Variants in SLC38A4 observed in about 807,000 individuals in gnomAD.
SLC38A4 encodes the protein sodium-coupled neutral amino acid transporter 4.
In SLC38A4, 20 loss-of-function variants were observed where a neutral mutation model predicts 63.1. The ratio of observed to expected loss-of-function variants is 0.32; its 90% confidence interval spans 0.22 to 0.46. The LOEUF (loss-of-function observed/expected upper bound fraction) is 0.46. SLC38A4 is among the 20% of genes least tolerant of loss of function. SLC38A4 has a pLI of 1.00. For missense variants in SLC38A4, 526 were observed against 663.6 expected (o/e 0.79, Z 2.28); for synonymous variants, 230 against 225.5 (o/e 1.02, Z -0.18).
Position 46,785,123 on chromosome 12 carries a change from T to C in SLC38A4, c.381A>G (p.Leu127=). 1 of 1,612,828 alleles carries C rather than the reference T, an allele frequency of 6.2e-7. No individual in the cohort carries two copies. Among genetic ancestry groups the C allele is most frequent in the South Asian group, 1.1e-5 (1 of 91,040 alleles). ...GCATACCTCCTTCCTTGGCTGTTTT[T>C]AATAAAAGGTGAACTGAATACAGTG... ...ILSLYSVHLL[L]KTAKEGGSLI... The change falls in exon 6 of 17, where the codon TTA becomes TTG. Residue 127 remains leucine (L), a synonymous_variant. Coordinates refer to ENST00000266579, the MANE Select transcript of SLC38A4 (RefSeq NM_018018.5).
At chr12:46,828,011 C>T (rs1401656124), upstream of SLC38A4, among the ~76,000 whole-genome samples, 1 of 152,130 alleles carries the variant, frequency 6.6e-6, no homozygotes, top group Non-Finnish European at 1.5e-5. Context: ...AGAGAATGTG[C>T]AAGGATCTCC....
At chr12:46,779,733 A>C in intron 9 of SLC38A4, 47 bp downstream of exon 9, 1 of 1,585,376 alleles carries the variant, frequency 6.3e-7, no homozygotes, top group Non-Finnish European at 8.6e-7. Flanking sequence ...AACCTATTTA[A>C]ATGTGAAATA....
At chr12:46,800,063 A>C (rs1320544527) in intron 2 of SLC38A4, among the ~76,000 whole-genome samples, 1 of 152,126 alleles carries the variant, frequency 6.6e-6, no homozygotes, top group Non-Finnish European at 1.5e-5. Context: ...GAAACATAAA[A>C]TTTTCATAGG....
At chr12:46,815,975 G>A (rs558356821) in intron 1 of SLC38A4, among the ~76,000 whole-genome samples, 2 of 151,824 alleles carry the variant, frequency 1.3e-5, no homozygotes, top group South Asian at 4.1e-4. Flanking sequence ...TATTTAAAGA[G>A]AAATGCTGAC....
chr12:46,764,914 A>G lies in SLC38A4; in HGVS notation c.*1787T>C, dbSNP rs1026438682. 28 of 152,632 alleles carry G rather than the reference A, an allele frequency of 1.8e-4. No homozygotes were observed. The highest frequency in any genetic ancestry group is 6.5e-4 in the African/African-American group (27 of 41,474). The allele number at this position is 152,632 out of a possible 1,614,324, so 9.5% of individuals were successfully genotyped here. A position where few individuals can be genotyped will look rare whatever the true frequency, so the allele number is the denominator to read the frequency against. On this transcript the variant is annotated 3_prime_UTR_variant, in exon 17 of 17. Coordinates refer to ENST00000266579, the MANE Select transcript of SLC38A4 (RefSeq NM_018018.5). The stretch of plus-strand genomic sequence containing the variant: ...GTTAAATTAATCAGCACAAGCTATC[A>G]TATGTATGTCTGCCCTGCAGTATAT...
At chr12:46,778,807 A>G in intron 10 of SLC38A4, 31 bp from the exon 11 acceptor site, 1 of 1,592,378 alleles carries the variant, frequency 6.3e-7, no homozygotes, top group South Asian at 1.1e-5. Flanking sequence ...AGAAAAAAAA[A>G]TCAGCTTTTT....
chr12:46,770,618 C>A (rs185225829), intron 14 of SLC38A4, among the ~76,000 whole-genome samples: 6 of 152,210 alleles, frequency 3.9e-5, no homozygotes, highest in Non-Finnish European at 4.4e-5. Flanking sequence ...GCTCAAGTTA[C>A]GCTGCTGTAA....
At chr12:46,809,235 G>A (rs965207755) in intron 1 of SLC38A4, among the ~76,000 whole-genome samples, 1 of 152,010 alleles carries the variant, frequency 6.6e-6, no homozygotes, top group East Asian at 1.9e-4. Flanking sequence ...ATGCTTCAAA[G>A]AATCAGGATC....
intron 2 of SLC38A4, among the ~76,000 whole-genome samples, chr12:46,802,103 G>A (rs1939143108): frequency 6.6e-6 from 1 of 151,946 alleles, no homozygotes; most frequent in African/African-American, 2.4e-5. Context: ...CATTTGATGA[G>A]GTATAAAGGA....
intron 2 of SLC38A4, among the ~76,000 whole-genome samples, chr12:46,802,120 A>G (rs1939143424): frequency 6.6e-6 from 1 of 152,086 alleles, no homozygotes; most frequent in African/African-American, 2.4e-5. Context: ...AGGACTGGTC[A>G]TAAGATTTGA....
intron 1 of SLC38A4, among the ~76,000 whole-genome samples, chr12:46,820,408 A>G (rs1419927601): frequency 6.6e-6 from 1 of 152,024 alleles, no homozygotes; most frequent in East Asian, 1.9e-4. Context: ...GCTACTTCAT[A>G]TAATTGGAGT....
intron 10 of SLC38A4, 103 bp from the exon 11 acceptor site, chr12:46,778,879 T>A: frequency 1.0e-6 from 1 of 983,598 alleles, no homozygotes; most frequent in Non-Finnish European, 1.5e-6. Flanking sequence ...GTGAGGGAAC[T>A]CAGTTAGGGA....
In SLC38A4 at chr12:46,766,536, A is replaced by G; in HGVS notation, c.*165T>C. 1.4e-6 allele frequency: 1 copy of G among 692,130 alleles called. No individual in the cohort carries two copies. Among genetic ancestry groups the G allele is most frequent in the Non-Finnish European group, 2.6e-6 (1 of 378,182 alleles). The allele number at this position is 692,130 out of a possible 1,614,324, so 42.9% of individuals were successfully genotyped here. ...ATACACAACCATCCTTGACAAAAAC[A>G]GTGATTTTCCTCTTCTGCAGGTGCC... is the stretch of plus-strand genomic sequence containing the variant. On this transcript the variant is annotated 3_prime_UTR_variant, in exon 17 of 17. Transcript: ENST00000266579.
upstream of SLC38A4, among the ~76,000 whole-genome samples, chr12:46,828,977 C>A (rs1379045594): frequency 6.6e-6 from 1 of 152,130 alleles, no homozygotes; most frequent in African/African-American, 2.4e-5. Flanking sequence ...AGTTTTTGTT[C>A]TCCTCCCTCT....
intron 7 of SLC38A4, among the ~76,000 whole-genome samples, chr12:46,782,199 A>T (rs1179994713): frequency 6.6e-6 from 1 of 152,016 alleles, no homozygotes; most frequent in Admixed American, 6.6e-5. Context: ...GCATTCCAGA[A>T]ATCCTTGATA....
chr12:46,819,923 T>C (rs890016071), intron 1 of SLC38A4, among the ~76,000 whole-genome samples: 2 of 151,932 alleles, frequency 1.3e-5, no homozygotes, highest in South Asian at 4.1e-4. Flanking sequence ...ATAGATGAAA[T>C]TTATAATGAT....
chr12:46,827,709 T>C (rs752066380), upstream of SLC38A4, among the ~76,000 whole-genome samples: 31 of 152,132 alleles, frequency 2.0e-4, no homozygotes, highest in Non-Finnish European at 4.4e-4. Context: ...TTTTGTTGTA[T>C]GTTTGTGTAA....
chr12:46,775,989 C>T (rs1938517077), intron 13 of SLC38A4, among the ~76,000 whole-genome samples: 1 of 151,878 alleles, frequency 6.6e-6, no homozygotes, highest in Non-Finnish European at 1.5e-5. Context: ...ATCTAAAGCA[C>T]ATGTTTGGTT....
At chr12:46,777,314 C>T (rs1233887279) in intron 12 of SLC38A4, among the ~76,000 whole-genome samples, 1 of 151,804 alleles carries the variant, frequency 6.6e-6, no homozygotes, top group East Asian at 1.9e-4. Flanking sequence ...AAACAGGCTC[C>T]TAACATAGAA....
Sources: allele counts gnomAD v4.1 joint callset (sites outside exome capture counted in the v4.1 genomes callset), GRCh38; gene constraint gnomAD v4.1.1; transcripts MANE v1.5; gene names NCBI Gene and HGNC (gene_info 2026-07-23, HGNC 2026-07-21).